Variants in ZNF862 observed in about 807,000 individuals in gnomAD.
ZNF862 encodes the protein zinc finger protein 862.
Under a neutral mutation model 91.1 loss-of-function variants are expected in ZNF862, and 64 were observed. The observed-to-expected ratio is 0.70, with a 90% CI of 0.57 to 0.87. The LOEUF (loss-of-function observed/expected upper bound fraction) is 0.87, where lower values mean the gene tolerates loss of function less well. Ranked by LOEUF, ZNF862 falls within the 40% of genes least tolerant of loss-of-function variation. The probability of loss-of-function intolerance (pLI) is 0.00; values close to 1 mark genes in which losing one functional copy is unlikely to be tolerated. For missense variants in ZNF862, 1,459 were observed against 1,528.0 expected, an observed-to-expected ratio of 0.95 and a Z score of 0.75; for synonymous variants, 631 against 618.1, an observed-to-expected ratio of 1.02 and a Z score of -0.31.
intron 1 of ZNF862, 39 bp downstream of exon 1, chr7:149,838,674 G>A: frequency 1.7e-6 from 2 of 1,196,166 alleles, no homozygotes; most frequent in South Asian, 4.3e-5. Flanking sequence ...GCTCCCTCCC[G>A]AGGATCCCCG....
At position 149,861,752 on chromosome 7, in the gene ZNF862, G is replaced by T. The variant is rs370183928; in HGVS notation, c.2592G>T (p.Leu864=). 6.2e-7 allele frequency: 1 copy of T among 1,613,656 alleles called. No homozygotes were observed. Among genetic ancestry groups the T allele is most frequent in the Non-Finnish European group, 8.5e-7 (1 of 1,179,852 alleles). ...LSEVCQKEIV[L]ITEVNATLGR... The stretch of plus-strand genomic sequence containing the variant: ...AGGTGTGCCAGAAGGAGATCGTGCT[G>T]ATTACAGAGGTGAACGCCACGCTGG... The change falls in exon 7 of 8, where the codon CTG becomes CTT. Residue 864 remains leucine (L), a synonymous_variant. Coordinates refer to ENST00000223210, the MANE Select transcript of ZNF862 (RefSeq NM_001099220.3). The surrounding 1 kb of genome is among the most constrained non-coding windows in gnomAD (Gnocchi z 6.7).
chr7:149,860,085 T>C lies in ZNF862; in HGVS notation c.1223-298T>C, dbSNP rs76391664. 3.2e-3 allele frequency: 1,324 copies of C among 419,194 alleles called. 2 individuals are homozygous for C. The East Asian group carries it at 0.035, about 11-fold the overall frequency. The allele number at this position is 419,194 out of a possible 1,614,324, so 26.0% of individuals were successfully genotyped here. On this transcript the variant is annotated intron_variant, in intron 6 of 7. Coordinates refer to ENST00000223210, the MANE Select transcript of ZNF862 (RefSeq NM_001099220.3). ...CAGTCTCTGTGGCCAAGGGGGTTAA[T>C]TGAACTTATTGGTATCTGGTGTCAC... is the stretch of plus-strand genomic sequence containing the variant.
intron 1 of ZNF862, 132 bp downstream of exon 1, chr7:149,838,767 C>T: frequency 1.8e-6 from 1 of 563,462 alleles, no homozygotes; most frequent in Non-Finnish European, 2.6e-6. Flanking sequence ...CGCCGGCCCG[C>T]CCTCTCTTCC....
intron 2 of ZNF862, 149 bp downstream of exon 2, chr7:149,844,885 A>G: frequency 1.7e-6 from 1 of 596,538 alleles, no homozygotes; most frequent in Non-Finnish European, 3.0e-6. Context: ...TCCCGTATCT[A>G]CCTTAATTGC....
chr7:149,860,672 C>A lies in ZNF862; in HGVS notation c.1512C>A (p.Val504=). The A allele has an allele frequency of 6.2e-7, 1 of 1,614,018 alleles. No individual in the cohort carries two copies. Residue 504 remains valine (V), a synonymous_variant, in exon 7 of 8, where the codon GTC becomes GTA. Coordinates refer to ENST00000223210, the MANE Select transcript of ZNF862 (RefSeq NM_001099220.3). ...PNLHDKSSRL[V]RGYTGPFKVE... is the part of the protein sequence containing the mutation. The stretch of plus-strand genomic sequence containing the variant: ...TCCATGATAAATCATCTCGGTTAGT[C>A]AGAGGTTACACGGGGCCTTTTAAAG...
At position 149,866,358 on chromosome 7, in the gene ZNF862, C is replaced by T. The variant is rs968939946; in HGVS notation, c.*2074C>T. ...AGGTCAGGCACTGTGGATGTGAACT[C>T]GTGGAAAGGGAGGGAGAAAGGCTTT... On this transcript the variant is annotated 3_prime_UTR_variant, in exon 8 of 8. Transcript: ENST00000223210. 9.2e-5 allele frequency: 14 copies of T among 152,236 alleles called. No individual in the cohort carries two copies. Among genetic ancestry groups the T allele is most frequent in the Non-Finnish European group, 2.1e-4 (14 of 68,080 alleles). The allele number at this position is 152,236 out of a possible 1,614,324, so 9.4% of individuals were successfully genotyped here.
intron 2 of ZNF862, 44 bp downstream of exon 2, chr7:149,844,780 G>T (rs1376618939): frequency 7.5e-7 from 1 of 1,326,414 alleles, no homozygotes; most frequent in African/African-American, 1.5e-5. Flanking sequence ...AATTTAGATC[G>T]GCATTCCCAA....
At chr7:149,852,372 TGAGAGA>T (rs796413969) in intron 5 of ZNF862, among the ~76,000 whole-genome samples, 409 of 143,840 alleles carry the variant, frequency 2.8e-3, no homozygotes, top group African/African-American at 7.5e-3. Context: ...TGTGTGTGTG[TGAGAGA>T]GAGAGAGAGA....
chr7:149,854,960 C>A (rs542691385), intron 5 of ZNF862, among the ~76,000 whole-genome samples: 9 of 152,182 alleles, frequency 5.9e-5, no homozygotes, highest in Non-Finnish European at 1.3e-4. Flanking sequence ...GACCTCTCAT[C>A]CTGTTCAGAG....
intron 1 of ZNF862, chr7:149,841,099 C>G: frequency 4.1e-6 from 4 of 985,370 alleles, no homozygotes; most frequent in Non-Finnish European, 4.8e-6. Context: ...GAACTTCATA[C>G]AAGAATGAAA....
chr7:149,861,176 G>A lies in ZNF862; in HGVS notation c.2016G>A (p.Glu672=), dbSNP rs543985571. 1.2e-6 allele frequency: 2 copies of A among 1,612,942 alleles called. No individual in the cohort carries two copies. Among genetic ancestry groups the A allele is most frequent in the East Asian group, 2.2e-5 (1 of 44,852 alleles). ...LYSETADGYF[E]TIVSALDELD... ...GTGAGACAGCAGATGGGTACTTCGA[G>A]ACCATCGTTTCTGCCCTGGATGAGC... The change falls in exon 7 of 8, where the codon GAG becomes GAA. Residue 672 remains glutamate, a synonymous_variant. Transcript: ENST00000223210. The surrounding 1 kb of genome is among the most constrained non-coding windows in gnomAD (Gnocchi z 6.7).
At chr7:149,854,472 G>A (rs1438223557) in intron 5 of ZNF862, among the ~76,000 whole-genome samples, 1 of 152,190 alleles carries the variant, frequency 6.6e-6, no homozygotes, top group Non-Finnish European at 1.5e-5. Flanking sequence ...TCAGGGTTGA[G>A]TTTCCTGGTT....
intron 5 of ZNF862, among the ~76,000 whole-genome samples, chr7:149,852,337 T>TTGTGTGTGTGTGTG (rs10674865): frequency 2.3e-4 from 32 of 140,508 alleles, no homozygotes; most frequent in Middle Eastern, 3.7e-3. Context: ...GAACTCAGTT[T>TTGTGTGTGTGTGTG]TGTGTGTGTG....
rs1165633066 is a variant in ZNF862 at position 149,861,838 on chromosome 7, T to C, written c.2678T>C (p.Phe893Ser). 1 of 1,613,640 alleles carries C rather than the reference T, an allele frequency of 6.2e-7. No individual in the cohort carries two copies. The highest frequency in any genetic ancestry group is 1.7e-5 in the Admixed American group (1 of 60,014). The change falls in exon 7 of 8, where the codon TTC (phenylalanine) becomes TCC (serine). Residue 893 changes from phenylalanine (F) to serine (S), a missense_variant. Coordinates refer to ENST00000223210, the MANE Select transcript of ZNF862 (RefSeq NM_001099220.3). This position sits in a 1 kb window ranked among gnomAD's most constrained non-coding sequence, Gnocchi z 6.7. ...RHQAGPKEEE[F>S]NASFKDGRLH... ...CAGGCAGGGCCCAAAGAGGAAGAAT[T>C]CAACGCCAGCTTCAAGGATGGGCGG...
Position 149,865,433 on chromosome 7 carries a change from C to T in ZNF862, c.*1149C>T, listed in dbSNP as rs563007637. The T allele has an allele frequency of 2.7e-4, 41 of 152,352 alleles. No homozygotes were observed. The highest frequency in any genetic ancestry group is 9.1e-4 in the African/African-American group (38 of 41,536). 9.4% of individuals were successfully genotyped at this position (152,352 alleles called of 1,614,324 possible). ...GCTCAGTGACAAGGGCTTTGAACAA[C>T]CTCCTCCAGGGACTTTGGGCCTGCT... is the stretch of plus-strand genomic sequence containing the variant. On this transcript the variant is annotated 3_prime_UTR_variant, in exon 8 of 8. Coordinates refer to ENST00000223210, the MANE Select transcript of ZNF862 (RefSeq NM_001099220.3).
Position 149,861,117 on chromosome 7 carries a change from A to G in ZNF862, c.1957A>G (p.Lys653Glu), listed in dbSNP as rs1408938799. The stretch of plus-strand genomic sequence containing the variant: ...CCGCTACTTCAAGCAGATGGAGGTG[A>G]AAGAGTCCTACATCACTCTGGCCCC... The part of the protein sequence containing the change: ...YIRYFKQMEV[K>E]ESYITLAPLY... Residue 653 changes from lysine to glutamate, a missense_variant, in exon 7 of 8, where the codon AAA (lysine) becomes GAA (glutamate). Coordinates refer to ENST00000223210, the MANE Select transcript of ZNF862 (RefSeq NM_001099220.3). The surrounding 1 kb of genome is among the most constrained non-coding windows in gnomAD (Gnocchi z 6.7). 2 of 1,612,982 alleles carry G rather than the reference A, an allele frequency of 1.2e-6. No homozygotes were observed. The highest frequency in any genetic ancestry group is 1.3e-5 in the African/African-American group (1 of 75,028).
chr7:149,849,614 A>G (rs17172936), intron 4 of ZNF862, among the ~76,000 whole-genome samples: 3,727 of 152,350 alleles, frequency 0.024, 155 homozygotes, highest in African/African-American at 0.086. Flanking sequence ...CATTTTTCCA[A>G]AATCCAGAAA....
chr7:149,848,569 C>T (rs1207606877), intron 4 of ZNF862, 137 bp downstream of exon 4: 3 of 682,438 alleles, frequency 4.4e-6, no homozygotes, highest in African/African-American at 1.8e-5. Context: ...CATATACCAA[C>T]ATGCTTATCA....
chr7:149,842,467 A>G (rs1801739899), intron 1 of ZNF862, among the ~76,000 whole-genome samples: 2 of 152,160 alleles, frequency 1.3e-5, no homozygotes, highest in South Asian at 4.1e-4. Context: ...ATTCACGCAG[A>G]TTTGTGTTTT....
Sources: allele counts gnomAD v4.1 joint callset (sites outside exome capture counted in the v4.1 genomes callset), GRCh38; gene constraint gnomAD v4.1.1; non-coding constraint Gnocchi (gnomAD v3.1); transcripts MANE v1.5; gene names NCBI Gene and HGNC (gene_info 2026-07-23, HGNC 2026-07-21).